Variants in ADCY1 observed in about 807,000 individuals in gnomAD.
The protein encoded by ADCY1 is adenylate cyclase type 1.
ADCY1 carries 28 observed loss-of-function variants against 105.4 expected under a neutral mutation model. The ratio of observed to expected loss-of-function variants is 0.27; its 90% CI spans 0.20 to 0.36. The LOEUF (loss-of-function observed/expected upper bound fraction) is 0.36, where lower values mean the gene tolerates loss of function less well. Among genes scored for constraint, ADCY1 ranks in the 10% least tolerant of loss-of-function variants. The pLI is 1.00. For missense variants in ADCY1, 977 were observed against 1,434.2 expected (o/e 0.68, Z 5.15); for synonymous variants, 655 against 623.8 (o/e 1.05, Z -0.75).
Position 45,721,762 on chromosome 7 carries a change from G to T in ADCY1, c.*7767G>T, listed in dbSNP as rs1453078829. On this transcript the variant is annotated 3_prime_UTR_variant, in exon 20 of 20. Coordinates refer to ENST00000297323, the MANE Select transcript of ADCY1 (RefSeq NM_021116.4). The stretch of plus-strand genomic sequence containing the variant: ...AGAGGGCTTATGATGGATGGTGAGA[G>T]ATTTGACAACCACCAGAGCACATGT... 2.5e-6 allele frequency: 1 copy of T among 398,522 alleles called. No individual in the cohort carries two copies. The highest frequency in any genetic ancestry group is 2.1e-5 in the African/African-American group (1 of 48,622). 24.7% of individuals were successfully genotyped at this position (398,522 alleles called of 1,614,324 possible). A position where few individuals can be genotyped will look rare whatever the true frequency, so the allele number is the denominator to read the frequency against.
chr7:45,633,674 C>T (rs541842436), intron 4 of ADCY1, among the ~76,000 whole-genome samples: 19 of 151,814 alleles, frequency 1.3e-4, no homozygotes, highest in African/African-American at 3.9e-4. Flanking sequence ...TGGTGGCGGG[C>T]GCCCGTAGTC....
chr7:45,577,277 A>G (rs1446898551), intron 1 of ADCY1, among the ~76,000 whole-genome samples: 1 of 152,200 alleles, frequency 6.6e-6, no homozygotes, highest in East Asian at 1.9e-4. Context: ...AAAAGCACAT[A>G]TTGGCCTTTT....
At chr7:45,670,661 AC>A (rs1176257584) in intron 8 of ADCY1, among the ~76,000 whole-genome samples, 1 of 151,912 alleles carries the variant, frequency 6.6e-6, no homozygotes, top group African/African-American at 2.4e-5. Context: ...TCATTTTCTC[AC>A]CTGAGGGTGG....
chr7:45,656,172 G>A (rs1430576209), intron 5 of ADCY1, among the ~76,000 whole-genome samples: 1 of 151,950 alleles, frequency 6.6e-6, no homozygotes, highest in Non-Finnish European at 1.5e-5. Flanking sequence ...GCATGGTGGT[G>A]GGCGCCTGTA....
rs921568432 is a variant in ADCY1, at chr7:45,720,343, T to A, written c.*6348T>A. 2 of 151,654 alleles carry A rather than the reference T, an allele frequency of 1.3e-5. No homozygotes were observed. The highest frequency in any genetic ancestry group is 4.9e-5 in the African/African-American group (2 of 41,230). The allele number at this position is 151,654 out of a possible 1,614,324, so 9.4% of individuals were successfully genotyped here. ...CTGGTCAACATGGTGAAACCCCGTCTCTACTAAAAATACAAAAAAAAAATT... is the reference window on the plus strand; with the variant it reads ...CTGGTCAACATGGTGAAACCCCGTCACTACTAAAAATACAAAAAAAAAATT... On this transcript the variant is annotated 3_prime_UTR_variant, in exon 20 of 20. Transcript: ENST00000297323.
At chr7:45,629,146 C>CT (rs1442381557) in intron 4 of ADCY1, among the ~76,000 whole-genome samples, 18 of 152,332 alleles carry the variant, frequency 1.2e-4, no homozygotes, top group Admixed American at 1.2e-3. Flanking sequence ...TACTAATTTG[C>CT]TTTCTATCAC....
intron 8 of ADCY1, among the ~76,000 whole-genome samples, chr7:45,666,718 G>A (rs1409207244): frequency 6.6e-6 from 1 of 152,168 alleles, no homozygotes; most frequent in Non-Finnish European, 1.5e-5. Flanking sequence ...CTTCCACAAT[G>A]GTTGAACCAG....
upstream of ADCY1, chr7:45,574,232 A>G (rs1156255984): frequency 2.4e-6 from 2 of 819,328 alleles, no homozygotes; most frequent in African/African-American, 1.9e-5. This position sits in a 1 kb window ranked among gnomAD's most constrained non-coding sequence, Gnocchi z 7.0. Flanking sequence ...GGAACGCAGG[A>G]CGCGGAGTTG....
chr7:45,713,636 T>A (rs1182558801), intron 19 of ADCY1, 57 bp from the exon 20 acceptor site: 1 of 741,738 alleles, frequency 1.3e-6, no homozygotes, highest in East Asian at 2.4e-5. Flanking sequence ...TTTGGTCTCT[T>A]CCCAGAGGAG....
At chr7:45,666,973 T>A (rs1784274468) in intron 8 of ADCY1, among the ~76,000 whole-genome samples, 1 of 152,110 alleles carries the variant, frequency 6.6e-6, no homozygotes, top group Admixed American at 6.5e-5. Flanking sequence ...TTTGTTGGGG[T>A]TGTTTGATTT....
chr7:45,679,513 C>T (rs572980394), intron 10 of ADCY1, among the ~76,000 whole-genome samples, 196 bp from the exon 11 acceptor site: 2 of 152,256 alleles, frequency 1.3e-5, no homozygotes, highest in African/African-American at 2.4e-5. Flanking sequence ...TCAGGAACCC[C>T]AGATGCCCTG....
At chr7:45,578,527 G>A (rs1792419870) in intron 1 of ADCY1, among the ~76,000 whole-genome samples, 1 of 152,194 alleles carries the variant, frequency 6.6e-6, no homozygotes. Flanking sequence ...TGGGGGTGGG[G>A]TAGGGGTGAG....
Position 45,679,772 on chromosome 7 carries a change from C to T in ADCY1, c.1962C>T (p.Tyr654=), listed in dbSNP as rs759927762. 1 of 1,614,214 alleles carries T rather than the reference C, an allele frequency of 6.2e-7. No individual in the cohort carries two copies. The highest frequency in any genetic ancestry group is 8.5e-7 in the Non-Finnish European group (1 of 1,180,046). ...GCTTCCTGGTGGCCTGTGTCCTGTACCTGCACATCACCCGGGTCCAGGTAT... is the reference window on the plus strand; with the variant it reads ...GCTTCCTGGTGGCCTGTGTCCTGTATCTGCACATCACCCGGGTCCAGGTAT... ...CICFLVACVL[Y]LHITRVQCFP... The change falls in exon 11 of 20, where the codon TAC becomes TAT. Residue 654 remains tyrosine (Y), a synonymous_variant. Coordinates refer to ENST00000297323, the MANE Select transcript of ADCY1 (RefSeq NM_021116.4).
intron 8 of ADCY1, among the ~76,000 whole-genome samples, chr7:45,668,402 G>A (rs150628764): frequency 0.013 from 1,913 of 152,200 alleles, 18 homozygotes; most frequent in Middle Eastern, 0.024. Context: ...AGTTTTTGTC[G>A]TTGGTTCTGT....
At chr7:45,679,838 A>C in intron 11 of ADCY1, 45 bp downstream of exon 11, 2 of 1,603,292 alleles carry the variant, frequency 1.2e-6, no homozygotes, top group Non-Finnish European at 8.5e-7. Flanking sequence ...CACCTGGTTC[A>C]TGTATGTGAG....
intron 19 of ADCY1, among the ~76,000 whole-genome samples, chr7:45,711,644 T>TATATATATATATATACAC (rs1189707139): frequency 6.0e-4 from 31 of 51,442 alleles, no homozygotes; most frequent in Admixed American, 1.2e-3. Flanking sequence ...TATATATATA[T>TATATATATATATATACAC]ACACACACAC....
intron 5 of ADCY1, among the ~76,000 whole-genome samples, chr7:45,651,659 G>A (rs899603188): frequency 1.3e-5 from 2 of 152,126 alleles, no homozygotes; most frequent in African/African-American, 4.8e-5. Flanking sequence ...TTTTTTTCCT[G>A]TCTTGAGTCT....
intron 4 of ADCY1, among the ~76,000 whole-genome samples, chr7:45,644,969 C>T (rs116439606): frequency 0.025 from 3,798 of 152,240 alleles, 42 homozygotes; most frequent in Middle Eastern, 0.037. Flanking sequence ...CTCAGCTTTG[C>T]ATCTCAGAAC....
chr7:45,623,874 C>T (rs1420082430), intron 4 of ADCY1, among the ~76,000 whole-genome samples: 5 of 152,128 alleles, frequency 3.3e-5, no homozygotes, highest in East Asian at 1.9e-4. Context: ...CTGACCCACC[C>T]GAGTTTCCTT....
Sources: gnomAD v4.1 joint callset for allele counts (sites outside exome capture counted in the v4.1 genomes callset) on GRCh38, gnomAD v4.1.1 for gene constraint, Gnocchi (gnomAD v3.1) non-coding constraint, MANE v1.5 for transcripts, NCBI Gene and HGNC (gene_info 2026-07-23, HGNC 2026-07-21) for gene names.